Variants in GALNTL6 observed in about 807,000 individuals in gnomAD.
GALNTL6 encodes polypeptide N-acetylgalactosaminyltransferase like 6.
Under a neutral mutation model 73.7 loss-of-function variants are expected in GALNTL6, and 46 were observed. That is an observed-to-expected ratio of 0.62 (90% confidence interval 0.49 to 0.80). The LOEUF is 0.80. Among genes scored for constraint, GALNTL6 ranks in the 30% least tolerant of loss-of-function variants. The probability of loss-of-function intolerance (pLI) is 0.00; values close to 1 mark genes in which losing one functional copy is unlikely to be tolerated. For synonymous variants in GALNTL6, 259 were observed against 263.7 expected, an observed-to-expected ratio of 0.98 and a Z score of 0.17; for missense variants, 604 against 755.0, an observed-to-expected ratio of 0.80 and a Z score of 2.34.
intron 2 of GALNTL6, among the ~76,000 whole-genome samples, chr4:171,944,540 T>G (rs1738644717): frequency 6.6e-6 from 1 of 152,022 alleles, no homozygotes; most frequent in Non-Finnish European, 1.5e-5. Context: ...AAAGTCCTAT[T>G]ATTCTATAAT....
intron 5 of GALNTL6, among the ~76,000 whole-genome samples, chr4:172,758,927 G>C (rs1228641795): frequency 3.3e-5 from 5 of 152,144 alleles, no homozygotes; most frequent in African/African-American, 1.2e-4. Context: ...AAGTCCCAAG[G>C]GGGGACTATT....
chr4:172,048,818 A>C (rs1382438020), intron 2 of GALNTL6, among the ~76,000 whole-genome samples: 1 of 152,132 alleles, frequency 6.6e-6, no homozygotes, highest in East Asian at 1.9e-4. Context: ...CATGCAGAGC[A>C]CAATGCTCCA....
intron 12 of GALNTL6, among the ~76,000 whole-genome samples, chr4:173,028,934 A>T (rs1753341949): frequency 6.6e-6 from 1 of 152,230 alleles, no homozygotes; most frequent in Admixed American, 6.5e-5. Context: ...CCATTCATTT[A>T]AAAAGTGAGT....
intron 8 of GALNTL6, among the ~76,000 whole-genome samples, chr4:172,895,399 TA>T (rs61173959): frequency 0.17 from 23,867 of 139,526 alleles, 2,163 homozygotes; most frequent in African/African-American, 0.27. Context: ...TATATATATA[TA>T]TATTTTTTTT....
chr4:171,910,162 A>G (rs1560837240), intron 2 of GALNTL6, among the ~76,000 whole-genome samples: 2 of 152,086 alleles, frequency 1.3e-5, no homozygotes, highest in East Asian at 3.8e-4. Flanking sequence ...CCAAAAACAA[A>G]ACAGAGCAAA....
chr4:171,869,753 G>A (rs1179603810), intron 2 of GALNTL6, among the ~76,000 whole-genome samples: 2 of 152,082 alleles, frequency 1.3e-5, no homozygotes, highest in Non-Finnish European at 2.9e-5. Flanking sequence ...GAATCATGGA[G>A]GCAGTTTCTG....
At chr4:171,973,815 A>G (rs1739640980) in intron 2 of GALNTL6, among the ~76,000 whole-genome samples, 3 of 152,270 alleles carry the variant, frequency 2.0e-5, no homozygotes, top group South Asian at 4.1e-4. Context: ...TGTGTTTGTC[A>G]CTTATATGGT....
intron 4 of GALNTL6, among the ~76,000 whole-genome samples, chr4:172,320,227 G>T (rs1352819525): frequency 1.3e-5 from 2 of 152,046 alleles, no homozygotes; most frequent in East Asian, 3.9e-4. Flanking sequence ...TGCCCAGTTT[G>T]TGATGTGGTG....
intron 10 of GALNTL6, among the ~76,000 whole-genome samples, chr4:172,966,682 G>A (rs62341882): frequency 0.11 from 16,886 of 152,204 alleles, 1,112 homozygotes; most frequent in Non-Finnish European, 0.16. Context: ...GTGAGCCACC[G>A]CGCCCAGCCC....
At chr4:172,742,431 ATC>A (rs1277753684) in intron 5 of GALNTL6, among the ~76,000 whole-genome samples, 3 of 151,406 alleles carry the variant, frequency 2.0e-5, no homozygotes, top group Non-Finnish European at 4.4e-5. Context: ...TGCCTACTAG[ATC>A]TGTGGCAAGA....
At chr4:172,405,604 T>C (rs1744213782) in intron 5 of GALNTL6, among the ~76,000 whole-genome samples, 1 of 151,664 alleles carries the variant, frequency 6.6e-6, no homozygotes, top group South Asian at 2.1e-4. Context: ...TGGAAATACC[T>C]GAGCTTTGTG....
At chr4:172,172,234 G>C (rs1402303565) in intron 2 of GALNTL6, among the ~76,000 whole-genome samples, 1 of 152,166 alleles carries the variant, frequency 6.6e-6, no homozygotes, top group Non-Finnish European at 1.5e-5. Flanking sequence ...GTCTCACTCT[G>C]TCGCCTGGGC....
At chr4:172,910,423 G>A (rs2111261593) in intron 8 of GALNTL6, among the ~76,000 whole-genome samples, 1 of 152,258 alleles carries the variant, frequency 6.6e-6, no homozygotes, top group South Asian at 2.1e-4. Context: ...ATGCCAAGGT[G>A]GAAGAGGATA....
chr4:172,882,157 T>C (rs1745488506), intron 7 of GALNTL6, among the ~76,000 whole-genome samples: 1 of 152,214 alleles, frequency 6.6e-6, no homozygotes, highest in Non-Finnish European at 1.5e-5. Flanking sequence ...AAAATTATTA[T>C]TTAATCAAAA....
intron 5 of GALNTL6, among the ~76,000 whole-genome samples, chr4:172,604,059 G>A (rs1323285544): frequency 1.3e-5 from 2 of 152,158 alleles, no homozygotes; most frequent in Non-Finnish European, 2.9e-5. Flanking sequence ...CAAAACTCTT[G>A]CCCTGCTGAG....
chr4:171,929,485 G>A (rs139895588), intron 2 of GALNTL6, among the ~76,000 whole-genome samples: 304 of 152,102 alleles, frequency 2.0e-3, no homozygotes, highest in Non-Finnish European at 3.1e-3. Flanking sequence ...CCCCCACCCC[G>A]CCATCAACAC....
intron 10 of GALNTL6, among the ~76,000 whole-genome samples, chr4:172,977,749 G>A (rs903341356): frequency 1.3e-5 from 2 of 152,130 alleles, no homozygotes; most frequent in African/African-American, 4.8e-5. Flanking sequence ...GCATGTTCTG[G>A]GTGGTCCTCT....
chr4:172,826,379 G>A (rs1742268605), intron 7 of GALNTL6, among the ~76,000 whole-genome samples: 1 of 152,162 alleles, frequency 6.6e-6, no homozygotes, highest in Admixed American at 6.6e-5. Flanking sequence ...TAATTGTTCT[G>A]TGCCTCCACA....
intron 2 of GALNTL6, among the ~76,000 whole-genome samples, chr4:172,172,689 T>C (rs1295136123): frequency 1.3e-5 from 2 of 152,112 alleles, no homozygotes; most frequent in African/African-American, 4.8e-5. Flanking sequence ...TATAGTACTT[T>C]CTTACAGCAC....
Sources: gnomAD v4.1 joint callset for allele counts (sites outside exome capture counted in the v4.1 genomes callset) on GRCh38, gnomAD v4.1.1 for gene constraint, MANE v1.5 for transcripts, NCBI Gene and HGNC (gene_info 2026-07-23, HGNC 2026-07-21) for gene names.